The following IL17RD variants were observed in gnomAD, a reference collection of about 807,000 sequenced individuals.
IL17RD encodes the protein interleukin 17 receptor D.
A neutral mutation model predicts 80.5 loss-of-function variants in IL17RD; 52 were observed. The ratio of observed to expected loss-of-function variants is 0.65; its 90% confidence interval spans 0.52 to 0.81. The LOEUF (loss-of-function observed/expected upper bound fraction) is 0.81, where lower values mean the gene tolerates loss of function less well. Among genes scored for constraint, IL17RD ranks in the 40% least tolerant of loss-of-function variants. The probability of loss-of-function intolerance (pLI) is 0.00; values close to 1 mark genes in which losing one functional copy is unlikely to be tolerated. For missense variants in IL17RD, 1,024 were observed against 955.1 expected (o/e 1.07, Z -0.95); for synonymous variants, 416 against 391.8 (o/e 1.06, Z -0.73).
intron 2 of IL17RD, among the ~76,000 whole-genome samples, chr3:57,117,825 T>C (rs1391412721): frequency 6.6e-6 from 1 of 152,204 alleles, no homozygotes; most frequent in Non-Finnish European, 1.5e-5. Context: ...AAAATTTATG[T>C]CCAAATGACA....
upstream of IL17RD, chr3:57,165,401 G>A (rs1283121826): frequency 1.1e-6 from 1 of 883,570 alleles, no homozygotes; most frequent in Non-Finnish European, 1.4e-6. Flanking sequence ...GACCGCACTG[G>A]GCATGCGTTG....
At chr3:57,167,637 CA>C (rs2060353990), upstream of IL17RD, among the ~76,000 whole-genome samples, 1 of 152,148 alleles carries the variant, frequency 6.6e-6, no homozygotes, top group African/African-American at 2.4e-5. Flanking sequence ...ATCAGTGATT[CA>C]AAAATACCCT....
chr3:57,138,865 G>A lies in IL17RD; in HGVS notation c.127-18552C>T, dbSNP rs111664076. On this transcript the variant is annotated intron_variant, in intron 1 of 12. Coordinates refer to ENST00000296318, the MANE Select transcript of IL17RD (RefSeq NM_017563.5). ...GAGGCAGGAGAATAGCTTCAACCCG[G>A]GAGGCAGAGGTTGCAGTGAGCTGAG... Among the ~76,000 whole-genome samples the A allele has an allele frequency of 8.2e-3, 1,242 of 151,122 alleles. 69 individuals carry two copies. The East Asian group carries it at 0.16, about 19-fold the overall frequency.
intron 5 of IL17RD, among the ~76,000 whole-genome samples, chr3:57,107,618 T>C (rs901950254): frequency 1.2e-4 from 18 of 152,134 alleles, no homozygotes; most frequent in Non-Finnish European, 2.2e-4. Flanking sequence ...TGCTGCCTGT[T>C]CCAGGGCGAC....
rs1393168346 is a variant in IL17RD at position 57,097,999 on chromosome 3, A to C, written c.1704T>G (p.His568Gln). 1 of 1,614,010 alleles carries C rather than the reference A, an allele frequency of 6.2e-7. No individual in the cohort carries two copies. Among genetic ancestry groups the C allele is most frequent in the East Asian group, 2.2e-5 (1 of 44,884 alleles). ...DWFEKQFVPF[H>Q]PPPLRYREPV... is the part of the protein sequence containing the mutation. Reference sequence around the variant, plus strand: ...GCTCCCGGTAGCGCAGTGGAGGAGGATGGAAGGGAACGAACTGCTTTTCGA... The same window carrying C: ...GCTCCCGGTAGCGCAGTGGAGGAGGCTGGAAGGGAACGAACTGCTTTTCGA... Residue 568 changes from histidine to glutamine, a missense_variant, in exon 12 of 13, where the codon CAT becomes CAG. By Grantham distance (24) the His-to-Gln change is conservative. Coordinates refer to ENST00000296318, the MANE Select transcript of IL17RD (RefSeq NM_017563.5).
chr3:57,101,705 G>A (rs942010532), intron 10 of IL17RD, among the ~76,000 whole-genome samples: 1 of 152,240 alleles, frequency 6.6e-6, no homozygotes, highest in Non-Finnish European at 1.5e-5. Flanking sequence ...ATTAAGCACA[G>A]GCAGAGCTGA....
intron 1 of IL17RD, among the ~76,000 whole-genome samples, chr3:57,148,336 A>G (rs573502326): frequency 1.3e-5 from 2 of 151,898 alleles, no homozygotes; most frequent in African/African-American, 2.4e-5. Context: ...AAAAAAAAAA[A>G]AAAAGAAAAG....
intron 2 of IL17RD, among the ~76,000 whole-genome samples, chr3:57,115,658 C>T (rs1183651001): frequency 6.6e-6 from 1 of 152,216 alleles, no homozygotes; most frequent in African/African-American, 2.4e-5. Context: ...CATGAGCTGT[C>T]TGGCCACTCT....
At chr3:57,160,583 C>T (rs1034846459) in intron 1 of IL17RD, among the ~76,000 whole-genome samples, 9 of 152,138 alleles carry the variant, frequency 5.9e-5, no homozygotes, top group Admixed American at 5.2e-4. Context: ...CCCCGCTTCC[C>T]TGCTCCTCCC....
In IL17RD at chr3:57,097,584, A is replaced by G. The variant is rs376606429; in HGVS notation, c.2107+12T>C. 81 of 1,560,970 alleles carry G rather than the reference A, an allele frequency of 5.2e-5. No homozygotes were observed. Among genetic ancestry groups the G allele is most frequent in the Non-Finnish European group, 6.8e-5 (78 of 1,152,170 alleles). ...TGCGGCCTGTTAGGACCCGGCCCCA[A>G]AGGCACCTTACCCAGGCCTGAAGAG... On this transcript the variant is annotated intron_variant, in intron 12 of 12. Transcript: ENST00000296318.
Position 57,154,283 on chromosome 3 carries a change from T to TATACACACACACACACAC in IL17RD, c.126+10877_126+10878insGTGTGTGTGTGTGTGTAT, listed in dbSNP as rs904157398. 1.9e-3 allele frequency among the ~76,000 whole-genome samples: 217 copies of TATACACACACACACACAC among 112,874 alleles called. 1 individual carries two copies. Among genetic ancestry groups the TATACACACACACACACAC allele is most frequent in the African/African-American group, 6.7e-3 (213 of 31,566 alleles). 74.0% of individuals were successfully genotyped at this position (112,874 alleles called of 152,430 possible). On this transcript the variant is annotated intron_variant, in intron 1 of 12. Transcript: ENST00000296318. ...AATTATATATATATATATATATATA[T>TATACACACACACACACAC]ACACACACACACACACACATACATA...
At chr3:57,170,123 A>G (rs527523536), upstream of IL17RD, 1 of 152,580 alleles carries the variant, frequency 6.6e-6, no homozygotes, top group East Asian at 1.9e-4. Context: ...CGCCTCCTGC[A>G]CAGCCCAGAG....
At chr3:57,138,312 C>T (rs772143018) in intron 1 of IL17RD, among the ~76,000 whole-genome samples, 4 of 151,888 alleles carry the variant, frequency 2.6e-5, no homozygotes, top group Non-Finnish European at 5.9e-5. Flanking sequence ...AACAAACAAA[C>T]AAAAAACATT....
intron 1 of IL17RD, among the ~76,000 whole-genome samples, chr3:57,154,283 T>TATATATATATATAC (rs904157398): frequency 8.9e-6 from 1 of 112,908 alleles, no homozygotes; most frequent in African/African-American, 3.2e-5. Context: ...TATATATATA[T>TATATATATATATAC]ACACACACAC....
chr3:57,103,197 G>T (rs1706877421), intron 8 of IL17RD, 52 bp from the exon 9 acceptor site: 7 of 1,456,394 alleles, frequency 4.8e-6, no homozygotes, highest in African/African-American at 1.4e-5. Flanking sequence ...TATATACCAG[G>T]TAAGTGGAAA....
intron 1 of IL17RD, among the ~76,000 whole-genome samples, chr3:57,123,324 G>A (rs1302996425): frequency 6.6e-6 from 1 of 152,178 alleles, no homozygotes; most frequent in East Asian, 1.9e-4. Flanking sequence ...GCCCTTCACT[G>A]GCTCCCTGTC....
At chr3:57,148,050 C>T (rs1355857328) in intron 1 of IL17RD, among the ~76,000 whole-genome samples, 1 of 133,556 alleles carries the variant, frequency 7.5e-6, no homozygotes, top group Non-Finnish European at 1.5e-5. Context: ...GGCACGGTGG[C>T]TCACACCTGT....
intron 1 of IL17RD, among the ~76,000 whole-genome samples, chr3:57,124,820 C>T (rs531092216): frequency 4.6e-5 from 7 of 152,310 alleles, no homozygotes; most frequent in East Asian, 1.9e-4. Context: ...GTCACACACA[C>T]GGCACGTGCT....
chr3:57,099,571 G>T (rs112776376), intron 11 of IL17RD, among the ~76,000 whole-genome samples: 9 of 152,188 alleles, frequency 5.9e-5, no homozygotes, highest in African/African-American at 2.2e-4. Flanking sequence ...TGTTACCAAT[G>T]GGGAAAAAGC....
Sources: gnomAD v4.1 joint callset for allele counts (sites outside exome capture counted in the v4.1 genomes callset) on GRCh38, gnomAD v4.1.1 for gene constraint, MANE v1.5 for transcripts, NCBI Gene and HGNC (gene_info 2026-07-23, HGNC 2026-07-21) for gene names.